HECW1: variants seen among roughly 807,000 people sequenced by gnomAD.
HECW1 encodes E3 ubiquitin-protein ligase HECW1.
A neutral mutation model predicts 182.3 loss-of-function variants in HECW1; 61 were observed. The observed-to-expected ratio is 0.33, with a 90% CI of 0.27 to 0.41. HECW1 has a LOEUF of 0.41. HECW1 is among the 10% of genes least tolerant of loss of function. HECW1 has a pLI of 1.00. For synonymous variants in HECW1, 859 were observed against 832.6 expected, an observed-to-expected ratio of 1.03 and a Z score of -0.55; for missense variants, 1,739 against 2,108.9, an observed-to-expected ratio of 0.82 and a Z score of 3.44.
chr7:43,447,256 C>A (rs1313508562), intron 11 of HECW1, among the ~76,000 whole-genome samples: 2 of 152,048 alleles, frequency 1.3e-5, no homozygotes, highest in African/African-American at 4.8e-5. Flanking sequence ...TTTTGGCCCC[C>A]ATGTTGGGAG....
intron 8 of HECW1, among the ~76,000 whole-genome samples, chr7:43,425,353 A>T (rs2076329986): frequency 1.8e-5 from 2 of 112,498 alleles, no homozygotes; most frequent in Non-Finnish European, 1.9e-5. Context: ...TGCTTTATTG[A>T]GCAGTCTCAA....
At chr7:43,180,375 TTATTA>T (rs67470745) in intron 2 of HECW1, among the ~76,000 whole-genome samples, 36,535 of 151,798 alleles carry the variant, frequency 0.24, 4,576 homozygotes, top group Middle Eastern at 0.27. Flanking sequence ...AAGTTTTATT[TTATTA>T]TTTTATTTTT....
intron 17 of HECW1, among the ~76,000 whole-genome samples, chr7:43,485,993 T>A (rs1234743732): frequency 6.6e-6 from 1 of 152,166 alleles, no homozygotes; most frequent in Non-Finnish European, 1.5e-5. Context: ...TTTCTCCTAA[T>A]GCTCTTCCTC....
intron 2 of HECW1, chr7:43,118,054 C>G (rs531549746): frequency 2.0e-5 from 3 of 152,766 alleles, no homozygotes; most frequent in African/African-American, 7.2e-5. Flanking sequence ...AAGCCGGTAC[C>G]AGGGGGGCGG....
At position 43,444,722 on chromosome 7, in the gene HECW1, AG is replaced by A; in HGVS notation, c.1553del (p.Gly518GlufsTer11). On this transcript the variant is annotated frameshift_variant, in exon 11 of 30. Transcript: ENST00000395891. LOFTEE classifies it high-confidence loss of function. This position sits in a 1 kb window ranked among gnomAD's most constrained non-coding sequence, Gnocchi z 4.3. ...GAGGGAGATGTGTCTACCCTGGAGCAGGGAGAGGGCAGGCTGCAGCTGCGGG... is the reference window on the plus strand; with the variant it reads ...GAGGGAGATGTGTCTACCCTGGAGCAGGAGAGGGCAGGCTGCAGCTGCGGG... ...EEEGDVSTLE[Q>X]GEGRLQLRAS... The A allele has an allele frequency of 6.2e-7, 1 of 1,612,584 alleles. No homozygotes were observed. The highest frequency in any genetic ancestry group is 8.5e-7 in the Non-Finnish European group (1 of 1,179,238).
intron 17 of HECW1, among the ~76,000 whole-genome samples, chr7:43,491,611 C>CT (rs999610199): frequency 2.6e-4 from 40 of 151,350 alleles, no homozygotes; most frequent in South Asian, 2.1e-4. Context: ...ATGATCACTT[C>CT]TTTTTTTTTG....
intron 2 of HECW1, among the ~76,000 whole-genome samples, chr7:43,166,101 TG>T (rs773149580): frequency 3.2e-4 from 48 of 152,224 alleles, no homozygotes; most frequent in Non-Finnish European, 5.9e-4. Flanking sequence ...TGGTTTTTTT[TG>T]AGACAGAGTT....
chr7:43,544,102 A>T (rs1402402875), intron 26 of HECW1, among the ~76,000 whole-genome samples: 1 of 152,256 alleles, frequency 6.6e-6, no homozygotes, highest in Non-Finnish European at 1.5e-5. Flanking sequence ...TTTTATTTTT[A>T]ATCTTGCACT....
At chr7:43,124,474 C>T (rs913745784) in intron 2 of HECW1, among the ~76,000 whole-genome samples, 9 of 152,322 alleles carry the variant, frequency 5.9e-5, no homozygotes, top group Admixed American at 4.6e-4. Context: ...AAGCCATGGT[C>T]CCATTCAACC....
intron 6 of HECW1, among the ~76,000 whole-genome samples, chr7:43,382,742 A>T (rs1028844958): frequency 9.2e-5 from 14 of 152,210 alleles, no homozygotes; most frequent in African/African-American, 3.1e-4. Context: ...TGGATTGCAC[A>T]TAGTTCAAAA....
intron 3 of HECW1, among the ~76,000 whole-genome samples, chr7:43,283,155 C>T (rs545058707): frequency 2.6e-5 from 4 of 151,952 alleles, no homozygotes; most frequent in African/African-American, 4.8e-5. Context: ...AAGAAATTCT[C>T]GGTGTACAGT....
At chr7:43,464,800 C>G (rs966397952) in intron 14 of HECW1, among the ~76,000 whole-genome samples, 5 of 151,992 alleles carry the variant, frequency 3.3e-5, no homozygotes, top group Non-Finnish European at 7.4e-5. Context: ...TTAGGTTTTT[C>G]TGTTATTATT....
chr7:43,243,771 A>G lies in HECW1; in HGVS notation c.-31-104A>G. Reference sequence around the variant, plus strand: ...TGCACGTCGGTTGCCCAGGCCAGGTATCTTGGCGGGGGTGGGGGAAACAAT... The same window carrying G: ...TGCACGTCGGTTGCCCAGGCCAGGTGTCTTGGCGGGGGTGGGGGAAACAAT... On this transcript the variant is annotated intron_variant, in intron 2 of 29. Transcript: ENST00000395891. The surrounding 1 kb of genome is among the most constrained non-coding windows in gnomAD (Gnocchi z 4.0). The G allele has an allele frequency of 4.5e-6, 4 of 881,080 alleles. No homozygotes were observed. Among genetic ancestry groups the G allele is most frequent in the Admixed American group, 1.8e-5 (1 of 55,644 alleles). 54.6% of individuals were successfully genotyped at this position (881,080 alleles called of 1,614,324 possible).
chr7:43,307,579 G>A (rs1017349358), intron 3 of HECW1, among the ~76,000 whole-genome samples: 2 of 152,114 alleles, frequency 1.3e-5, no homozygotes, highest in Non-Finnish European at 2.9e-5. Context: ...TTAAAAACAG[G>A]ACAGAGCTTC....
intron 26 of HECW1, among the ~76,000 whole-genome samples, chr7:43,542,557 C>T (rs986184416): frequency 6.6e-6 from 1 of 150,544 alleles, no homozygotes; most frequent in Non-Finnish European, 1.5e-5. Flanking sequence ...ACATATATGC[C>T]ATATTTTCTT....
At chr7:43,379,165 C>T (rs943368589) in intron 6 of HECW1, among the ~76,000 whole-genome samples, 1 of 152,196 alleles carries the variant, frequency 6.6e-6, no homozygotes, top group Non-Finnish European at 1.5e-5. Context: ...AAGAGTGTTC[C>T]TTTAATCTTA....
intron 3 of HECW1, among the ~76,000 whole-genome samples, chr7:43,307,877 T>TATATATATATATAC (rs1807791908): frequency 0.021 from 60 of 2,834 alleles, no homozygotes; most frequent in African/African-American, 0.14. Flanking sequence ...ATCATTTCAC[T>TATATATATATATAC]ATATATATAT....
At chr7:43,114,523 C>G in intron 2 of HECW1, 132 bp downstream of exon 2, 1 of 792,138 alleles carries the variant, frequency 1.3e-6, no homozygotes, top group Non-Finnish European at 1.8e-6. Context: ...GGTAGAATTC[C>G]CTGTTGGTAG....
intron 2 of HECW1, among the ~76,000 whole-genome samples, chr7:43,188,371 T>C (rs1482885643): frequency 6.6e-6 from 1 of 152,152 alleles, no homozygotes; most frequent in East Asian, 1.9e-4. Context: ...GGATTTTAAA[T>C]CAAGGAAATT....
Sources: gnomAD v4.1 joint callset for allele counts (sites outside exome capture counted in the v4.1 genomes callset) on GRCh38, gnomAD v4.1.1 for gene constraint, Gnocchi (gnomAD v3.1) non-coding constraint, MANE v1.5 for transcripts, NCBI Gene and HGNC (gene_info 2026-07-23, HGNC 2026-07-21) for gene names.